SLC44A5: variants seen among roughly 807,000 people sequenced by gnomAD.
The protein encoded by SLC44A5 is solute carrier family 44 member 5.
Under a neutral mutation model 101.8 loss-of-function variants are expected in SLC44A5, and 57 were observed. The ratio of observed to expected loss-of-function variants is 0.56; its 90% CI spans 0.45 to 0.70. SLC44A5 has a LOEUF of 0.70. SLC44A5 is among the 30% of genes least tolerant of loss of function. SLC44A5 has a pLI of 0.00. For missense variants in SLC44A5, 737 were observed against 853.1 expected (o/e 0.86, Z 1.70); for synonymous variants, 281 against 290.9 (o/e 0.97, Z 0.35).
chr1:75,253,283 C>T (rs1007688500), intron 6 of SLC44A5, among the ~76,000 whole-genome samples: 2 of 152,138 alleles, frequency 1.3e-5, no homozygotes, highest in East Asian at 3.9e-4. Flanking sequence ...CAGAGTCAAA[C>T]CTGAGCTTGG....
chr1:75,284,962 A>G (rs888834726), intron 5 of SLC44A5, among the ~76,000 whole-genome samples: 2 of 151,890 alleles, frequency 1.3e-5, no homozygotes, highest in African/African-American at 4.8e-5. Flanking sequence ...ATATTGGTCT[A>G]TAGATTTTTT....
At chr1:75,283,895 A>G (rs771331877) in intron 5 of SLC44A5, among the ~76,000 whole-genome samples, 11 of 152,038 alleles carry the variant, frequency 7.2e-5, no homozygotes, top group Non-Finnish European at 1.6e-4. Flanking sequence ...TTTGGTGACT[A>G]TGGCCTTATA....
chr1:75,492,134 T>C (rs1402241264), intron 2 of SLC44A5, among the ~76,000 whole-genome samples: 1 of 152,188 alleles, frequency 6.6e-6, no homozygotes, highest in Non-Finnish European at 1.5e-5. Flanking sequence ...CCTGCTTTGC[T>C]CTTTTGCCTT....
upstream of SLC44A5, among the ~76,000 whole-genome samples, chr1:75,613,703 G>T (rs1288328717): frequency 6.6e-6 from 1 of 152,210 alleles, no homozygotes; most frequent in Admixed American, 6.5e-5. Context: ...TCGTAAGAAA[G>T]CTTGATTATT....
At chr1:75,481,828 A>G (rs910662049) in intron 2 of SLC44A5, among the ~76,000 whole-genome samples, 1 of 152,226 alleles carries the variant, frequency 6.6e-6, no homozygotes, top group African/African-American at 2.4e-5. Flanking sequence ...TAGTTCAACC[A>G]TTGTGGAAGT....
chr1:75,374,350 T>C (rs1207546826), intron 3 of SLC44A5, among the ~76,000 whole-genome samples: 1 of 152,208 alleles, frequency 6.6e-6, no homozygotes, highest in Non-Finnish European at 1.5e-5. Context: ...CCTTGGACTC[T>C]GCCAGGCTTA....
intron 2 of SLC44A5, among the ~76,000 whole-genome samples, chr1:75,461,208 G>A (rs1055974761): frequency 6.6e-6 from 1 of 152,182 alleles, no homozygotes; most frequent in Admixed American, 6.5e-5. Context: ...TCTCTTCTCT[G>A]ATGATCAAAT....
intron 2 of SLC44A5, among the ~76,000 whole-genome samples, chr1:75,400,299 C>G (rs1662395331): frequency 6.6e-6 from 1 of 152,170 alleles, no homozygotes; most frequent in African/African-American, 2.4e-5. Flanking sequence ...ATGCAATATA[C>G]TCACATAACA....
intron 2 of SLC44A5, among the ~76,000 whole-genome samples, chr1:75,463,449 A>G (rs1666627557): frequency 6.7e-6 from 1 of 149,642 alleles, no homozygotes; most frequent in East Asian, 2.0e-4. Context: ...AAAAGATCCT[A>G]AAAGCAACAA....
intron 1 of SLC44A5, among the ~76,000 whole-genome samples, chr1:75,544,536 C>G (rs752356204): frequency 6.6e-6 from 1 of 152,090 alleles, no homozygotes. Flanking sequence ...CAACAAAATA[C>G]TTTTGCTGAA....
intron 12 of SLC44A5, among the ~76,000 whole-genome samples, chr1:75,230,797 A>G (rs1260766369): frequency 6.6e-6 from 1 of 151,984 alleles, no homozygotes; most frequent in East Asian, 1.9e-4. Flanking sequence ...TTGTATTTTT[A>G]GTAGAGACAG....
chr1:75,352,199 C>CT (rs758978127), intron 3 of SLC44A5, among the ~76,000 whole-genome samples: 8 of 151,396 alleles, frequency 5.3e-5, no homozygotes, highest in Admixed American at 1.3e-4. Flanking sequence ...TCTTTTTTTT[C>CT]TTCAACTTTT....
chr1:75,389,081 A>G (rs1001999270), intron 3 of SLC44A5, among the ~76,000 whole-genome samples: 5 of 152,216 alleles, frequency 3.3e-5, no homozygotes, highest in African/African-American at 9.6e-5. Flanking sequence ...AAAAAGACAA[A>G]AAAAGGGTAT....
rs532260637 is a variant in SLC44A5 at position 75,218,608 on chromosome 1, C to T, written c.1411G>A (p.Val471Ile). Residue 471 changes from valine to isoleucine, a missense_variant, in exon 17 of 24, where the codon GTC (valine) becomes ATC (isoleucine). By Grantham distance (29) the Val-to-Ile change is conservative. Coordinates refer to ENST00000370859, the MANE Select transcript of SLC44A5 (RefSeq NM_001130058.2). ...LFVFLWLINF[V>I]IALGQCALAG... ...AGGGCGCACTGACCTAATGCAATGA[C>T]GAAGTTTATAAGCCAGAGAAAGACA... is the stretch of plus-strand genomic sequence containing the variant. 1.4e-5 allele frequency: 23 copies of T among 1,613,638 alleles called. No individual in the cohort carries two copies. The highest frequency in any genetic ancestry group is 8.3e-5 in the Admixed American group (5 of 59,980).
Position 75,541,516 on chromosome 1 carries a change from T to A in SLC44A5, c.-69A>T. 1 of 1,592,532 alleles carries A rather than the reference T, an allele frequency of 6.3e-7. No individual in the cohort carries two copies. Among genetic ancestry groups the A allele is most frequent in the Non-Finnish European group, 8.5e-7 (1 of 1,171,080 alleles). ...CAAACTTGAGTTGCTTAGAAAAGAG[T>A]CTGTGATAAAAACAAGTATGAAGAT... On this transcript the variant is annotated splice_region_variant and 5_prime_UTR_variant, in exon 2 of 24. Coordinates refer to ENST00000370859, the MANE Select transcript of SLC44A5 (RefSeq NM_001130058.2).
chr1:75,478,940 G>T (rs1343350841), intron 2 of SLC44A5, among the ~76,000 whole-genome samples: 1 of 152,132 alleles, frequency 6.6e-6, no homozygotes, highest in African/African-American at 2.4e-5. Flanking sequence ...CAAATCAACA[G>T]AATATACATT....
intron 1 of SLC44A5, among the ~76,000 whole-genome samples, chr1:75,581,604 C>A (rs1393698304): frequency 1.3e-5 from 2 of 152,016 alleles, no homozygotes; most frequent in African/African-American, 4.8e-5. Flanking sequence ...TACAGTATTC[C>A]AAAATAACAC....
intron 12 of SLC44A5, among the ~76,000 whole-genome samples, chr1:75,231,977 T>C (rs550470982): frequency 6.6e-6 from 1 of 152,174 alleles, no homozygotes; most frequent in Non-Finnish European, 1.5e-5. Flanking sequence ...CTGCTGTCAG[T>C]AGGAAATTTC....
At chr1:75,300,854 A>G (rs1455993791) in intron 4 of SLC44A5, among the ~76,000 whole-genome samples, 169 bp from the exon 5 acceptor site, 1 of 152,172 alleles carries the variant, frequency 6.6e-6, no homozygotes, top group East Asian at 1.9e-4. Flanking sequence ...TTCTGCAAAG[A>G]CATTAGCAGC....
Sources: gnomAD v4.1 joint callset for allele counts (sites outside exome capture counted in the v4.1 genomes callset) on GRCh38, gnomAD v4.1.1 for gene constraint, MANE v1.5 for transcripts, NCBI Gene and HGNC (gene_info 2026-07-23, HGNC 2026-07-21) for gene names.